Variants in AKAP10 observed in about 807,000 individuals in gnomAD.
AKAP10 encodes the protein A-kinase anchor protein 10, mitochondrial.
A neutral mutation model predicts 80.8 loss-of-function variants in AKAP10; 24 were observed. The observed-to-expected ratio is 0.30, with a 90% CI of 0.22 to 0.42. The LOEUF is 0.42. Among genes scored for constraint, AKAP10 ranks in the 10% least tolerant of loss-of-function variants. The probability of loss-of-function intolerance (pLI) is 1.00; values close to 1 mark genes in which losing one functional copy is unlikely to be tolerated. For synonymous variants in AKAP10, 291 were observed against 277.7 expected, an observed-to-expected ratio of 1.05 and a Z score of -0.48; for missense variants, 661 against 794.9, an observed-to-expected ratio of 0.83 and a Z score of 2.03.
chr17:19,949,639 G>C (rs1052997203), intron 4 of AKAP10, among the ~76,000 whole-genome samples: 2 of 151,306 alleles, frequency 1.3e-5, no homozygotes, highest in Admixed American at 6.6e-5. Flanking sequence ...ATGGTGGCGC[G>C]CACCTGTAAT....
chr17:19,941,964 C>T, intron 5 of AKAP10, 54 bp from the exon 6 acceptor site: 1 of 1,525,654 alleles, frequency 6.6e-7, no homozygotes. Context: ...ACTATGTATA[C>T]ACACTTGTGA....
chr17:19,975,579 A>G (rs574388125), intron 1 of AKAP10, among the ~76,000 whole-genome samples: 7 of 152,290 alleles, frequency 4.6e-5, no homozygotes, highest in Non-Finnish European at 5.9e-5. Flanking sequence ...TTAATCTTTC[A>G]TAACACTTTA....
chr17:19,916,047 G>A (rs2042739030), intron 12 of AKAP10, among the ~76,000 whole-genome samples: 1 of 152,132 alleles, frequency 6.6e-6, no homozygotes, highest in African/African-American at 2.4e-5. Context: ...GGGGCTTGCT[G>A]TTCCTTGATC....
chr17:19,909,278 TA>T lies in AKAP10; in HGVS notation c.1888-3del. ...CTTCCAAGCTAGCTCTTCCTGGGCC[TA>T]AAGAAAATAATTTAAACTGGTGATA... On this transcript the variant is annotated splice_region_variant and splice_polypyrimidine_tract_variant and intron_variant, in intron 13 of 14. Coordinates refer to ENST00000225737, the MANE Select transcript of AKAP10 (RefSeq NM_007202.4). 6.2e-7 allele frequency: 1 copy of T among 1,610,186 alleles called. No homozygotes were observed. Among genetic ancestry groups the T allele is most frequent in the South Asian group, 1.1e-5 (1 of 90,658 alleles).
intron 1 of AKAP10, among the ~76,000 whole-genome samples, chr17:19,975,420 C>G (rs2043552216): frequency 6.6e-6 from 1 of 152,198 alleles, no homozygotes; most frequent in South Asian, 2.1e-4. Context: ...TCTTTCCTCT[C>G]TTGAAGGGCA....
intron 10 of AKAP10, among the ~76,000 whole-genome samples, chr17:19,931,493 C>T (rs548960129): frequency 1.1e-4 from 16 of 151,048 alleles, no homozygotes; most frequent in South Asian, 2.1e-4. Context: ...TGGGTTCAAG[C>T]GATTCTCCTG....
chr17:19,971,557 G>A (rs909682492), intron 1 of AKAP10, among the ~76,000 whole-genome samples: 2 of 151,432 alleles, frequency 1.3e-5, no homozygotes, highest in Non-Finnish European at 2.9e-5. Flanking sequence ...ATACATATCT[G>A]ACCTGTATTC....
chr17:19,925,380 A>G (rs2042865266), intron 10 of AKAP10, among the ~76,000 whole-genome samples: 1 of 152,142 alleles, frequency 6.6e-6, no homozygotes, highest in Admixed American at 6.5e-5. Context: ...CATATGACAA[A>G]AAGAAGCTAA....
At chr17:19,955,216 T>C (rs1389894870) in intron 4 of AKAP10, among the ~76,000 whole-genome samples, 1 of 150,470 alleles carries the variant, frequency 6.6e-6, no homozygotes, top group Admixed American at 6.6e-5. Context: ...AGCAAGACGC[T>C]GTCTCAAAAA....
chr17:19,966,390 A>G (rs2043419136), intron 2 of AKAP10, among the ~76,000 whole-genome samples: 1 of 152,204 alleles, frequency 6.6e-6, no homozygotes, highest in Non-Finnish European at 1.5e-5. Flanking sequence ...ACTAATCTGT[A>G]AGTTCAATGA....
chr17:19,971,365 T>C (rs949871854), intron 1 of AKAP10, among the ~76,000 whole-genome samples: 3 of 151,628 alleles, frequency 2.0e-5, no homozygotes, highest in African/African-American at 7.3e-5. Context: ...GAAAATGAGC[T>C]GGGCATGGTG....
chr17:19,921,322 C>A (rs913720577), intron 11 of AKAP10, among the ~76,000 whole-genome samples: 2 of 151,956 alleles, frequency 1.3e-5, no homozygotes, highest in African/African-American at 4.8e-5. Context: ...TGCGCCACCA[C>A]GCCCAGCTAA....
intron 4 of AKAP10, among the ~76,000 whole-genome samples, chr17:19,948,054 A>G (rs974426247): frequency 2.0e-5 from 3 of 152,010 alleles, no homozygotes; most frequent in Non-Finnish European, 4.4e-5. Flanking sequence ...TTAAAGTGTT[A>G]TTTTCCTAAT....
chr17:19,969,916 T>A (rs368891191), intron 1 of AKAP10, among the ~76,000 whole-genome samples: 1 of 152,328 alleles, frequency 6.6e-6, no homozygotes, highest in South Asian at 2.1e-4. Context: ...CATCTGCCCA[T>A]GGACTACATC....
chr17:19,922,886 C>T (rs998768732), intron 11 of AKAP10, among the ~76,000 whole-genome samples: 2 of 152,050 alleles, frequency 1.3e-5, no homozygotes, highest in African/African-American at 2.4e-5. Context: ...AGCAACAGAG[C>T]GAGACTCCGT....
intron 9 of AKAP10, chr17:19,935,996 T>C (rs998541318): frequency 4.2e-6 from 1 of 235,966 alleles, no homozygotes; most frequent in Non-Finnish European, 8.1e-6. Context: ...TTCTTTTTTC[T>C]TTTTTACTTA....
chr17:19,939,022 G>A lies in AKAP10; in HGVS notation c.1322+691C>T, dbSNP rs79715172. Among the ~76,000 whole-genome samples the A allele has an allele frequency of 2.7e-3, 405 of 152,224 alleles. 15 individuals are homozygous for A. In the East Asian group the frequency reaches 0.074, roughly 28 times the overall value. On this transcript the variant is annotated intron_variant, in intron 8 of 14. Coordinates refer to ENST00000225737, the MANE Select transcript of AKAP10 (RefSeq NM_007202.4). ...GTTGTGATTACAGGAGTGAGCCACC[G>A]TGCCCGACCACGAATTACTTTTTTT...
intron 10 of AKAP10, chr17:19,929,355 G>A (rs1443136144): frequency 1.3e-5 from 2 of 152,116 alleles, no homozygotes; most frequent in Non-Finnish European, 1.5e-5. Flanking sequence ...GCACAATAAA[G>A]CTGTACAAGA....
chr17:19,932,326 C>T (rs1002871513), intron 9 of AKAP10, among the ~76,000 whole-genome samples: 3 of 151,644 alleles, frequency 2.0e-5, no homozygotes, highest in Admixed American at 1.3e-4. Context: ...GTGGTGAGCG[C>T]CTGTAATCCC....
Sources: allele counts gnomAD v4.1 joint callset (sites outside exome capture counted in the v4.1 genomes callset), GRCh38; gene constraint gnomAD v4.1.1; transcripts MANE v1.5; gene names NCBI Gene and HGNC (gene_info 2026-07-23, HGNC 2026-07-21).